Variants in NFATC2 observed in about 807,000 individuals in gnomAD.
NFATC2 encodes nuclear factor of activated T cells 2, also known as nuclear factor of activated T-cells, cytoplasmic 2.
NFATC2 carries 22 observed loss-of-function variants against 87.3 expected under a neutral mutation model. That is an observed-to-expected ratio of 0.25 (90% CI 0.18 to 0.36). The LOEUF is 0.36. Among genes scored for constraint, NFATC2 ranks in the 10% least tolerant of loss-of-function variants. NFATC2 has a pLI of 1.00. For missense variants in NFATC2, 1,149 were observed against 1,259.1 expected, an observed-to-expected ratio of 0.91 and a Z score of 1.32; for synonymous variants, 565 against 542.2, an observed-to-expected ratio of 1.04 and a Z score of -0.58.
chr20:51,436,696 C>G (rs1177555299), intron 6 of NFATC2, among the ~76,000 whole-genome samples: 1 of 149,486 alleles, frequency 6.7e-6, no homozygotes, highest in African/African-American at 2.5e-5. Context: ...GACTGGGCGA[C>G]AGAGTGAGAC....
intron 1 of NFATC2, among the ~76,000 whole-genome samples, chr20:51,557,221 T>C (rs2076986374): frequency 6.6e-6 from 1 of 152,148 alleles, no homozygotes; most frequent in African/African-American, 2.4e-5. Context: ...ATAATATCTG[T>C]AAAGTGGCTG....
At chr20:51,540,365 G>T (rs1600992251) in intron 1 of NFATC2, among the ~76,000 whole-genome samples, 1 of 152,168 alleles carries the variant, frequency 6.6e-6, no homozygotes, top group South Asian at 2.1e-4. Context: ...TTATCTTTGT[G>T]GGCTTCCTCC....
chr20:51,424,526 G>A (rs556877876), intron 9 of NFATC2, among the ~76,000 whole-genome samples: 14 of 152,134 alleles, frequency 9.2e-5, no homozygotes, highest in Non-Finnish European at 2.9e-5. Flanking sequence ...CAGAGAGTCG[G>A]GCACCATTAT....
chr20:51,391,259 G>A lies in NFATC2; in HGVS notation c.*237C>T. The A allele has an allele frequency of 1.1e-6, 1 of 890,998 alleles. No individual in the cohort carries two copies. Among genetic ancestry groups the A allele is most frequent in the Non-Finnish European group, 1.9e-6 (1 of 524,306 alleles). The allele number at this position is 890,998 out of a possible 1,614,324, so 55.2% of individuals were successfully genotyped here. On this transcript the variant is annotated 3_prime_UTR_variant, in exon 11 of 11. Coordinates refer to ENST00000371564, the MANE Select transcript of NFATC2 (RefSeq NM_012340.5). ...GAGGTGGCGAGCTCCTTAAGTGAGA[G>A]TCCGCTTAGTGCCCATACATTGATC...
intron 5 of NFATC2, among the ~76,000 whole-genome samples, chr20:51,460,023 TACC>T (rs1404676009): frequency 6.6e-6 from 1 of 152,226 alleles, no homozygotes; most frequent in Non-Finnish European, 1.5e-5. Flanking sequence ...ATGTGTATTT[TACC>T]ACAATAGGAG....
In NFATC2 at chr20:51,474,057, A is replaced by T; in HGVS notation, c.1631T>A (p.Leu544Gln). The change falls in exon 5 of 11, where the codon CTG becomes CAG. Residue 544 changes from leucine to glutamine, a missense_variant. By Grantham distance (113) the Leu-to-Gln change is moderately radical. This residue lies in a region of NFATC2 where 581 missense variants were observed against 649.7 expected (regional missense o/e 0.89). Transcript: ENST00000371564. ...DIGRKNTRVR[L>Q]VFRVHIPESS... ...CTCTGGGATGTGAACTCGGAAAACC[A>T]GTCTCACCCGCGTGTTCTTTCTTCC... 1 of 1,614,244 alleles carries T rather than the reference A, an allele frequency of 6.2e-7. No homozygotes were observed. Among genetic ancestry groups the T allele is most frequent in the Non-Finnish European group, 8.5e-7 (1 of 1,180,054 alleles).
intron 1 of NFATC2, among the ~76,000 whole-genome samples, chr20:51,531,789 A>G (rs1321672311): frequency 2.0e-5 from 3 of 152,196 alleles, no homozygotes; most frequent in Non-Finnish European, 4.4e-5. Context: ...TTCGGTGACA[A>G]TTCTGCCCTT....
intron 1 of NFATC2, among the ~76,000 whole-genome samples, chr20:51,541,512 C>A (rs548532059): frequency 6.6e-6 from 1 of 152,164 alleles, no homozygotes; most frequent in Non-Finnish European, 1.5e-5. Context: ...AGCATTGGGC[C>A]CAGCCCGGGG....
chr20:51,431,436 T>C (rs2086301668), intron 9 of NFATC2, among the ~76,000 whole-genome samples: 1 of 152,136 alleles, frequency 6.6e-6, no homozygotes, highest in African/African-American at 2.4e-5. Flanking sequence ...CAAAGCCTCC[T>C]CTGCATCTTT....
chr20:51,432,871 A>G lies in NFATC2; in HGVS notation c.2033-115T>C, dbSNP rs1385800443. The G allele has an allele frequency of 4.6e-6, 4 of 861,990 alleles. No homozygotes were observed. Among genetic ancestry groups the G allele is most frequent in the Non-Finnish European group, 6.5e-6 (4 of 613,880 alleles). The allele number at this position is 861,990 out of a possible 1,614,324, so 53.4% of individuals were successfully genotyped here. On this transcript the variant is annotated intron_variant, in intron 8 of 10. Transcript: ENST00000371564. The surrounding 1 kb of genome is among the most constrained non-coding windows in gnomAD (Gnocchi z 4.6). ...CCTTGGGAGTCCATACGGGTGGGAC[A>G]AACAGCTGGTCCCTGTCACTTATCA...
chr20:51,396,765 C>T (rs1219850732), intron 10 of NFATC2, among the ~76,000 whole-genome samples: 1 of 152,200 alleles, frequency 6.6e-6, no homozygotes, highest in Non-Finnish European at 1.5e-5. Context: ...CCCACGACCC[C>T]TCCATGCTTG....
chr20:51,510,330 T>C (rs2076252697), intron 3 of NFATC2, among the ~76,000 whole-genome samples: 1 of 152,206 alleles, frequency 6.6e-6, no homozygotes, highest in African/African-American at 2.4e-5. Flanking sequence ...TGGGATATTA[T>C]TAGACCTCAT....
chr20:51,485,629 G>A (rs570380738), intron 3 of NFATC2, among the ~76,000 whole-genome samples: 76 of 151,954 alleles, frequency 5.0e-4, no homozygotes, highest in African/African-American at 1.6e-3. Flanking sequence ...AAGAGTCTGA[G>A]CCCTGGAGTC....
At chr20:51,499,686 G>A (rs914052249) in intron 3 of NFATC2, among the ~76,000 whole-genome samples, 17 of 151,214 alleles carry the variant, frequency 1.1e-4, no homozygotes, top group African/African-American at 3.9e-4. Flanking sequence ...ATGTTGCAGT[G>A]AGCCGAGATC....
chr20:51,537,770 C>T (rs1417861356), intron 1 of NFATC2, among the ~76,000 whole-genome samples: 2 of 152,248 alleles, frequency 1.3e-5, no homozygotes, highest in Admixed American at 6.5e-5. Flanking sequence ...GTGGCCCCAT[C>T]AGGACTCCCA....
At chr20:51,463,295 C>T (rs570583583) in intron 5 of NFATC2, among the ~76,000 whole-genome samples, 1 of 152,336 alleles carries the variant, frequency 6.6e-6, no homozygotes, top group South Asian at 2.1e-4. Flanking sequence ...CACTGAGGTC[C>T]ACAGCAAGGG....
intron 1 of NFATC2, among the ~76,000 whole-genome samples, chr20:51,529,904 C>G (rs1352901513): frequency 5.9e-5 from 9 of 152,184 alleles, no homozygotes; most frequent in Admixed American, 3.3e-4. Flanking sequence ...GGCTCTGAGT[C>G]TGAGGCTTTA....
In NFATC2 at chr20:51,388,261, G is replaced by A. The variant is rs538416189; in HGVS notation, c.*3235C>T. ...AAAATCAAAATCACCTACTAAATTA[G>A]TTATTTTGGGGGGAGGATCTAGACA... On this transcript the variant is annotated 3_prime_UTR_variant, in exon 11 of 11. Transcript: ENST00000371564. 6.6e-6 allele frequency: 1 copy of A among 152,268 alleles called. No individual in the cohort carries two copies. The highest frequency in any genetic ancestry group is 1.9e-4 in the East Asian group (1 of 5,184). 9.4% of individuals were successfully genotyped at this position (152,268 alleles called of 1,614,324 possible).
At position 51,477,535 on chromosome 20, in the gene NFATC2, CTATATATATATATATATATATATA is replaced by C. The variant is rs11467129; in HGVS notation, c.1333-1899_1333-1876del. On this transcript the variant is annotated intron_variant, in intron 3 of 10. Coordinates refer to ENST00000371564, the MANE Select transcript of NFATC2 (RefSeq NM_012340.5). ...TATATATACATATGTGTGTGTGTGT[CTATATATATATATATATATATATA>C]TATATATATATATATATATATAAAA... Among the ~76,000 whole-genome samples the C allele has an allele frequency of 7.7e-4, 56 of 72,726 alleles. 1 individual carries two copies. Among genetic ancestry groups the C allele is most frequent in the African/African-American group, 1.9e-3 (39 of 20,132 alleles). The allele number at this position is 72,726 out of a possible 152,430, so 47.7% of individuals were successfully genotyped here. A position where few individuals can be genotyped will look rare whatever the true frequency, so the allele number is the denominator to read the frequency against.
Sources: allele counts gnomAD v4.1 joint callset (sites outside exome capture counted in the v4.1 genomes callset), GRCh38; gene constraint gnomAD v4.1.1; regional missense constraint gnomAD v4.1.1; non-coding constraint Gnocchi (gnomAD v3.1); transcripts MANE v1.5; gene names NCBI Gene and HGNC (gene_info 2026-07-23, HGNC 2026-07-21).